PRDM16: variants seen among roughly 807,000 people sequenced by gnomAD.
The protein encoded by PRDM16 is PR/SET domain 16, also known as histone-lysine N-methyltransferase PRDM16.
Under a neutral mutation model 110.6 loss-of-function variants are expected in PRDM16, and 23 were observed. The ratio of observed to expected loss-of-function variants is 0.21; its 90% CI spans 0.15 to 0.29. PRDM16 has a LOEUF of 0.29. Among genes scored for constraint, PRDM16 ranks in the 10% least tolerant of loss-of-function variants. The probability of loss-of-function intolerance (pLI) is 1.00; values close to 1 mark genes in which losing one functional copy is unlikely to be tolerated. For synonymous variants in PRDM16, 799 were observed against 781.8 expected (o/e 1.02, Z -0.37); for missense variants, 1,615 against 1,794.3 (o/e 0.90, Z 1.81).
rs181858358 is a variant in PRDM16, at chr1:3,392,539, A to C, written c.574-3952A>C. On this transcript the variant is annotated intron_variant, in intron 4 of 16. Coordinates refer to ENST00000270722, the MANE Select transcript of PRDM16 (RefSeq NM_022114.4). The stretch of plus-strand genomic sequence containing the variant: ...AGTTTTTCGTCTATTTGTATTGTTA[A>C]ATTCTATGATTAAGCGGGAATGAGA... Among the ~76,000 whole-genome samples, 680 of 152,324 alleles carry C rather than the reference A, an allele frequency of 4.5e-3. 3 individuals are homozygous for C. The highest frequency in any genetic ancestry group is 7.6e-3 in the Non-Finnish European group (518 of 68,028).
At chr1:3,236,669 A>C (rs1158337555) in intron 2 of PRDM16, among the ~76,000 whole-genome samples, 1 of 152,152 alleles carries the variant, frequency 6.6e-6, no homozygotes, top group East Asian at 1.9e-4. Flanking sequence ...GGTGTGCACC[A>C]CCTACTCAGG....
chr1:3,337,329 C>T (rs1322880340), intron 3 of PRDM16, among the ~76,000 whole-genome samples: 1 of 152,224 alleles, frequency 6.6e-6, no homozygotes. Context: ...TGAGAGCTGG[C>T]ACATTCTTCT....
rs1324386304 is a variant in PRDM16 at position 3,186,234 on chromosome 1, G to A, written c.147G>A (p.Gly49=). The change falls in exon 2 of 17, where the codon GGG becomes GGA. Residue 49 remains glycine, a synonymous_variant. Coordinates refer to ENST00000270722, the MANE Select transcript of PRDM16 (RefSeq NM_022114.4). ...GTGCCATGTCGCCCATCCCCGTGGG[G>A]CCACCGTCCCCCTTCCCCACCAGCG... ...EDSAMSPIPV[G]PPSPFPTSED... 2 of 1,612,610 alleles carry A rather than the reference G, an allele frequency of 1.2e-6. No individual in the cohort carries two copies.
At chr1:3,414,698 C>T in intron 10 of PRDM16, 51 bp downstream of exon 10, 1 of 1,433,570 alleles carries the variant, frequency 7.0e-7, no homozygotes, top group South Asian at 1.2e-5. Flanking sequence ...CGCCAGTGGC[C>T]CCATCTCCCG....
intron 1 of PRDM16, among the ~76,000 whole-genome samples, chr1:3,123,462 C>T (rs1247231805): frequency 6.6e-6 from 1 of 152,220 alleles, no homozygotes; most frequent in Non-Finnish European, 1.5e-5. Context: ...CTATGTGGAG[C>T]CTGCGGCCTT....
chr1:3,350,784 G>A lies in PRDM16; in HGVS notation c.439-34368G>A, dbSNP rs902514988. Among the ~76,000 whole-genome samples, 1 of 152,146 alleles carries A rather than the reference G, an allele frequency of 6.6e-6. No individual in the cohort carries two copies. On this transcript the variant is annotated intron_variant, in intron 3 of 16. Coordinates refer to ENST00000270722, the MANE Select transcript of PRDM16 (RefSeq NM_022114.4). The surrounding 1 kb of genome is among the most constrained non-coding windows in gnomAD (Gnocchi z 7.1). ...CGACTTCTTCCCAATGCCGCGTCCA[G>A]TGTTTTCCTCTTTCTGGGCCTCAAA... is the stretch of plus-strand genomic sequence containing the variant.
intron 14 of PRDM16, among the ~76,000 whole-genome samples, chr1:3,427,924 C>T (rs1306535729): frequency 6.6e-6 from 1 of 152,188 alleles, no homozygotes; most frequent in African/African-American, 2.4e-5. Flanking sequence ...GGGAGCTGTT[C>T]GTGTTCCCTG....
At chr1:3,212,764 A>C (rs2100849756) in intron 2 of PRDM16, among the ~76,000 whole-genome samples, 1 of 150,138 alleles carries the variant, frequency 6.7e-6, no homozygotes, top group African/African-American at 2.5e-5. Context: ...TCCCACCAGC[A>C]CCTGCATTTC....
chr1:3,424,948 G>A (rs2100690543), intron 12 of PRDM16: 1 of 152,596 alleles, frequency 6.6e-6, no homozygotes, highest in Non-Finnish European at 1.5e-5. Flanking sequence ...GGGCCAGGGA[G>A]ACCCAGACAA....
intron 3 of PRDM16, among the ~76,000 whole-genome samples, chr1:3,383,353 G>T (rs1021979982): frequency 6.6e-6 from 1 of 152,160 alleles, no homozygotes; most frequent in African/African-American, 2.4e-5. Flanking sequence ...ATCTCACCCA[G>T]CACCTCTGGA....
chr1:3,275,483 G>T (rs1334402233), intron 3 of PRDM16, among the ~76,000 whole-genome samples: 1 of 152,196 alleles, frequency 6.6e-6, no homozygotes, highest in Admixed American at 6.5e-5. Context: ...GGGGGACCTG[G>T]CTACCAGGAC....
intron 1 of PRDM16, among the ~76,000 whole-genome samples, chr1:3,109,424 G>T (rs188874928): frequency 0.01 from 1,527 of 152,256 alleles, 17 homozygotes; most frequent in African/African-American, 0.034. Flanking sequence ...GCAGGCTGAG[G>T]CTCTCTCTCC....
intron 1 of PRDM16, among the ~76,000 whole-genome samples, chr1:3,118,104 T>C (rs1643007155): frequency 6.7e-6 from 1 of 148,340 alleles, no homozygotes; most frequent in Non-Finnish European, 1.5e-5. Context: ...TGTACATGCA[T>C]GTGTGTGTGC....
intron 2 of PRDM16, among the ~76,000 whole-genome samples, chr1:3,218,299 C>A (rs978840673): frequency 1.3e-5 from 2 of 152,220 alleles, no homozygotes; most frequent in African/African-American, 4.8e-5. Context: ...AAGAAAAAAC[C>A]CAGCAGAAAG....
rs372749133 is a variant in PRDM16, at chr1:3,358,070, C to T, written c.439-27082C>T. Among the ~76,000 whole-genome samples, 73 of 152,354 alleles carry T rather than the reference C, an allele frequency of 4.8e-4. No homozygotes were observed. The highest frequency in any genetic ancestry group is 1.6e-3 in the African/African-American group (67 of 41,584). On this transcript the variant is annotated intron_variant, in intron 3 of 16. Coordinates refer to ENST00000270722, the MANE Select transcript of PRDM16 (RefSeq NM_022114.4). The surrounding 1 kb of genome is among the most constrained non-coding windows in gnomAD (Gnocchi z 4.0). ...TGAAGGAGGCTGCCCTGGCTAACGG[C>T]GGTGCCCAGTGGCCTGGCCTCACGC...
At chr1:3,073,048 G>T (rs555593062) in intron 1 of PRDM16, among the ~76,000 whole-genome samples, 1 of 152,372 alleles carries the variant, frequency 6.6e-6, no homozygotes, top group East Asian at 1.9e-4. Context: ...GGTCCTCCTT[G>T]TCCTGTGAGC....
At chr1:3,218,298 C>T (rs766351563) in intron 2 of PRDM16, among the ~76,000 whole-genome samples, 3 of 152,226 alleles carry the variant, frequency 2.0e-5, no homozygotes, top group Non-Finnish European at 4.4e-5. Context: ...CAAGAAAAAA[C>T]CCAGCAGAAA....
intron 3 of PRDM16, among the ~76,000 whole-genome samples, chr1:3,343,807 A>AT (rs1455472715): frequency 2.0e-5 from 3 of 151,842 alleles, no homozygotes; most frequent in East Asian, 3.9e-4. Context: ...TGCCGGGCTA[A>AT]TTTTTTTGTA....
intron 4 of PRDM16, among the ~76,000 whole-genome samples, chr1:3,394,708 G>C (rs1178081731): frequency 1.3e-5 from 2 of 152,234 alleles, no homozygotes; most frequent in Non-Finnish European, 2.9e-5. Context: ...CTGCTACAAT[G>C]CCACTCACGG....
Sources: allele counts gnomAD v4.1 joint callset (sites outside exome capture counted in the v4.1 genomes callset), GRCh38; gene constraint gnomAD v4.1.1; non-coding constraint Gnocchi (gnomAD v3.1); transcripts MANE v1.5; gene names NCBI Gene and HGNC (gene_info 2026-07-23, HGNC 2026-07-21).